LNP1: variants seen among roughly 807,000 people sequenced by gnomAD.
The protein encoded by LNP1 is leukemia NUP98 fusion partner 1.
Under a neutral mutation model 14.5 loss-of-function variants are expected in LNP1, and 12 were observed. The ratio of observed to expected loss-of-function variants is 0.83; its 90% confidence interval spans 0.53 to 1.34. The LOEUF (loss-of-function observed/expected upper bound fraction) is 1.34, where lower values mean the gene tolerates loss of function less well. Among genes scored for constraint, LNP1 ranks in the 40% most tolerant of loss-of-function variants. LNP1 has a pLI of 0.00. For synonymous variants in LNP1, 75 were observed against 71.4 expected, an observed-to-expected ratio of 1.05 and a Z score of -0.26; for missense variants, 198 against 210.9, an observed-to-expected ratio of 0.94 and a Z score of 0.38.
At chr3:100,449,159 TG>T (rs1219331725) in intron 2 of LNP1, among the ~76,000 whole-genome samples, 1 of 152,238 alleles carries the variant, frequency 6.6e-6, no homozygotes, top group Admixed American at 6.5e-5. Flanking sequence ...CTCTGAGCTT[TG>T]GGCAGAGCCC....
At chr3:100,437,235 G>A (rs1707301326) in intron 2 of LNP1, among the ~76,000 whole-genome samples, 1 of 152,238 alleles carries the variant, frequency 6.6e-6, no homozygotes, top group South Asian at 2.1e-4. Flanking sequence ...TGGTTTATAT[G>A]GGCTTAGTTT....
At chr3:100,412,035 A>T (rs150634871) in intron 1 of LNP1, among the ~76,000 whole-genome samples, 1 of 152,332 alleles carries the variant, frequency 6.6e-6, no homozygotes, top group Non-Finnish European at 1.5e-5. Context: ...GCTATAACAG[A>T]ATACCCGAGG....
At chr3:100,436,069 T>C (rs928537737) in intron 2 of LNP1, among the ~76,000 whole-genome samples, 3 of 152,162 alleles carry the variant, frequency 2.0e-5, no homozygotes. Flanking sequence ...CAAATTGTTT[T>C]AATACTGCTT....
chr3:100,409,589 C>T (rs35837943), intron 1 of LNP1, among the ~76,000 whole-genome samples: 1,006 of 98,312 alleles, frequency 0.01, 2 homozygotes, highest in African/African-American at 0.032. Flanking sequence ...CACACACACA[C>T]ACATATATAT....
At chr3:100,422,803 CTTTTTTTTTTTTT>C (rs557593118) in intron 1 of LNP1, among the ~76,000 whole-genome samples, 8 of 69,080 alleles carry the variant, frequency 1.2e-4, no homozygotes, top group African/African-American at 3.1e-4. Context: ...TTTGTCTCCT[CTTTTTTTTTTTTT>C]TTTTTTTTTT....
intron 2 of LNP1, among the ~76,000 whole-genome samples, chr3:100,432,721 T>A (rs1401898520): frequency 1.3e-5 from 2 of 152,232 alleles, no homozygotes; most frequent in African/African-American, 4.8e-5. Context: ...AAAACTGAAA[T>A]AAAACAGTTT....
At chr3:100,446,114 G>A (rs1185995825) in intron 2 of LNP1, among the ~76,000 whole-genome samples, 4 of 152,046 alleles carry the variant, frequency 2.6e-5, no homozygotes, top group Non-Finnish European at 4.4e-5. Context: ...AAGTTCATAT[G>A]GAACCAAAAA....
At chr3:100,409,551 TATAC>T (rs1322806077) in intron 1 of LNP1, among the ~76,000 whole-genome samples, 4 of 131,942 alleles carry the variant, frequency 3.0e-5, no homozygotes, top group African/African-American at 5.7e-5. Flanking sequence ...TCTATATATA[TATAC>T]ATACACACAC....
At chr3:100,446,002 A>G (rs557765899) in intron 2 of LNP1, among the ~76,000 whole-genome samples, 2 of 152,376 alleles carry the variant, frequency 1.3e-5, no homozygotes, top group South Asian at 4.1e-4. Context: ...AAGAATCAAT[A>G]TCGTAAAAAT....
At chr3:100,433,275 G>C (rs1707259159) in intron 2 of LNP1, among the ~76,000 whole-genome samples, 1 of 152,102 alleles carries the variant, frequency 6.6e-6, no homozygotes, top group African/African-American at 2.4e-5. Context: ...ATGTCCATGT[G>C]TTCTCATTGT....
intron 1 of LNP1, among the ~76,000 whole-genome samples, chr3:100,421,206 A>G (rs1235790571): frequency 2.0e-5 from 3 of 152,192 alleles, no homozygotes; most frequent in African/African-American, 4.8e-5. Context: ...TGAAAAGCCT[A>G]TCCTTCCTCC....
intron 1 of LNP1, among the ~76,000 whole-genome samples, chr3:100,414,861 T>A (rs916341973): frequency 6.6e-6 from 1 of 152,238 alleles, no homozygotes; most frequent in Non-Finnish European, 1.5e-5. Context: ...AATAGAGGAC[T>A]CAGCTAACCT....
intron 1 of LNP1, among the ~76,000 whole-genome samples, chr3:100,416,382 G>A (rs1707083459): frequency 6.6e-6 from 1 of 152,108 alleles, no homozygotes. Context: ...AACAGACCAG[G>A]AATCAGCCAT....
At chr3:100,419,206 G>A (rs538881328) in intron 1 of LNP1, among the ~76,000 whole-genome samples, 2 of 152,140 alleles carry the variant, frequency 1.3e-5, no homozygotes, top group African/African-American at 2.4e-5. Context: ...TGCTGTCATC[G>A]TTGCTTTCTT....
chr3:100,431,728 C>G (rs1299647980), intron 2 of LNP1, among the ~76,000 whole-genome samples: 1 of 150,402 alleles, frequency 6.6e-6, no homozygotes, highest in Non-Finnish European at 1.5e-5. Flanking sequence ...TGCCATGGTT[C>G]ACACCTGGAA....
chr3:100,408,074 G>A (rs1559838822), intron 1 of LNP1, among the ~76,000 whole-genome samples: 1 of 152,164 alleles, frequency 6.6e-6, no homozygotes, highest in Non-Finnish European at 1.5e-5. Context: ...GCAGATAGTT[G>A]ATATATCTGT....
intron 2 of LNP1, among the ~76,000 whole-genome samples, chr3:100,445,848 A>G (rs1206232278): frequency 6.6e-6 from 1 of 152,188 alleles, no homozygotes; most frequent in African/African-American, 2.4e-5. Context: ...TACCATTCAC[A>G]ATTGCTATAA....
At chr3:100,422,945 A>G (rs970178943) in intron 1 of LNP1, among the ~76,000 whole-genome samples, 1 of 151,936 alleles carries the variant, frequency 6.6e-6, no homozygotes, top group African/African-American at 2.4e-5. Flanking sequence ...CACTTGGTTA[A>G]AAAAGGTGTG....
chr3:100,423,685 A>G (rs1293427030), intron 1 of LNP1, among the ~76,000 whole-genome samples: 2 of 151,690 alleles, frequency 1.3e-5, no homozygotes, highest in Non-Finnish European at 2.9e-5. Flanking sequence ...TTTTTTTTTC[A>G]CATTCAGCAT....
Sources: allele counts gnomAD v4.1 joint callset (sites outside exome capture counted in the v4.1 genomes callset), GRCh38; gene constraint gnomAD v4.1.1; transcripts MANE v1.5; gene names NCBI Gene and HGNC (gene_info 2026-07-23, HGNC 2026-07-21).